MTF1: variants seen among roughly 807,000 people sequenced by gnomAD.
The protein encoded by MTF1 is metal regulatory transcription factor 1.
In MTF1, 22 loss-of-function variants were observed where a neutral mutation model predicts 70.4. The observed-to-expected ratio is 0.31, with a 90% confidence interval of 0.22 to 0.45. The LOEUF is 0.45. MTF1 is among the 20% of genes least tolerant of loss of function. The pLI is 1.00. For synonymous variants in MTF1, 333 were observed against 352.8 expected (o/e 0.94, Z 0.63); for missense variants, 649 against 922.0 (o/e 0.70, Z 3.83).
intron 9 of MTF1, among the ~76,000 whole-genome samples, chr1:37,820,332 T>TA (rs1295053752): frequency 4.6e-5 from 7 of 152,364 alleles, no homozygotes; most frequent in African/African-American, 1.4e-4. Context: ...ACCTGACCTG[T>TA]ATGGCCACCC....
intron 3 of MTF1, 31 bp from the exon 4 acceptor site, chr1:37,838,787 T>C (rs945749575): frequency 7.4e-7 from 1 of 1,354,686 alleles, no homozygotes; most frequent in Non-Finnish European, 1.0e-6. Context: ...ATTCCCTTTG[T>C]CATAAAATTC....
At chr1:37,836,342 G>A (rs1044708791) in intron 4 of MTF1, among the ~76,000 whole-genome samples, 11 of 152,112 alleles carry the variant, frequency 7.2e-5, no homozygotes, top group African/African-American at 2.7e-4. Flanking sequence ...TGTTGACAGT[G>A]ACAGTCCATA....
Position 37,809,935 on chromosome 1 carries a change from A to C in MTF1, c.*5201T>G, listed in dbSNP as rs1640678487. On this transcript the variant is annotated 3_prime_UTR_variant, in exon 11 of 11. Transcript: ENST00000373036. ...CCAATGATTAGTGTATGTCAAAAAA[A>C]AGGGCTCTTGGGGGCTCTTGCCTTT... 6.6e-6 allele frequency: 1 copy of C among 152,594 alleles called. No homozygotes were observed. The highest frequency in any genetic ancestry group is 6.5e-5 in the Admixed American group (1 of 15,278). 9.5% of individuals were successfully genotyped at this position (152,594 alleles called of 1,614,324 possible). A position where few individuals can be genotyped will look rare whatever the true frequency, so the allele number is the denominator to read the frequency against.
chr1:37,825,273 G>C (rs1264657039), intron 7 of MTF1, among the ~76,000 whole-genome samples: 1 of 152,108 alleles, frequency 6.6e-6, no homozygotes, highest in African/African-American at 2.4e-5. Context: ...TCTTTACTCT[G>C]TTGCCCAGGC....
intron 1 of MTF1, among the ~76,000 whole-genome samples, chr1:37,858,934 T>C (rs888151560): frequency 2.0e-5 from 3 of 152,264 alleles, no homozygotes; most frequent in Non-Finnish European, 2.9e-5. Context: ...AGTCTGGCTT[T>C]GCGCTTTATC....
At position 37,857,723 on chromosome 1, in the gene MTF1, A is replaced by C; in HGVS notation, c.-51-14T>G. ...GTAATGACTTGTCTGCAACAGAACA[A>C]AGCCAGAGTTAGAGTCATACCACAA... On this transcript the variant is annotated splice_polypyrimidine_tract_variant and intron_variant, in intron 1 of 10. Coordinates refer to ENST00000373036, the MANE Select transcript of MTF1 (RefSeq NM_005955.3). The C allele has an allele frequency of 2.0e-6, 3 of 1,534,296 alleles. No homozygotes were observed. The Admixed American group carries it at 5.3e-5, about 27-fold the overall frequency.
chr1:37,849,357 C>T lies in MTF1; in HGVS notation c.408+7894G>A, dbSNP rs576124973. Among the ~76,000 whole-genome samples the T allele has an allele frequency of 5.3e-5, 8 of 151,756 alleles. No homozygotes were observed. The East Asian group carries it at 1.6e-3, about 29-fold the overall frequency. ...AGGAGAATCTCTTGAACCCTGGAGGCGGAGGTTGCAGTGAGCCAAGATCGT... is the reference window on the plus strand; with the variant it reads ...AGGAGAATCTCTTGAACCCTGGAGGTGGAGGTTGCAGTGAGCCAAGATCGT... On this transcript the variant is annotated intron_variant, in intron 2 of 10. Coordinates refer to ENST00000373036, the MANE Select transcript of MTF1 (RefSeq NM_005955.3).
intron 7 of MTF1, among the ~76,000 whole-genome samples, chr1:37,827,461 C>T (rs1343852976): frequency 1.3e-5 from 2 of 151,832 alleles, no homozygotes; most frequent in Non-Finnish European, 2.9e-5. Context: ...AGGTTCACGC[C>T]ATTCTCCTGC....
At chr1:37,836,944 GGC>G (rs1491222355) in intron 4 of MTF1, among the ~76,000 whole-genome samples, 2 of 135,772 alleles carry the variant, frequency 1.5e-5, no homozygotes, top group Non-Finnish European at 3.2e-5. Context: ...CGGGAAGGGG[GGC>G]GGCGGGGAAT....
chr1:37,859,075 A>G (rs1641552666), intron 1 of MTF1, among the ~76,000 whole-genome samples: 1 of 152,204 alleles, frequency 6.6e-6, no homozygotes, highest in African/African-American at 2.4e-5. Context: ...ACGCAACCCC[A>G]CAGATGTACA....
At position 37,822,457 on chromosome 1, in the gene MTF1, C is replaced by T; in HGVS notation, c.1431G>A (p.Gln477=). ...GAAACTCTTGATGATTAGCAGCAAA[C>T]TGTGTGCTGTGGGGAACAGGCACTT... is the stretch of plus-strand genomic sequence containing the variant. ...PPEVPVPHST[Q]FAANHQEFLP... The change falls in exon 9 of 11, where the codon CAG becomes CAA. Residue 477 remains glutamine (Q), a synonymous_variant. Coordinates refer to ENST00000373036, the MANE Select transcript of MTF1 (RefSeq NM_005955.3). 6.2e-7 allele frequency: 1 copy of T among 1,614,122 alleles called. No homozygotes were observed.
At chr1:37,843,764 A>C (rs564375765) in intron 2 of MTF1, among the ~76,000 whole-genome samples, 54 of 152,360 alleles carry the variant, frequency 3.5e-4, no homozygotes, top group African/African-American at 1.2e-3. Context: ...AAAAACAAGT[A>C]ACTGGATGGA....
intron 2 of MTF1, among the ~76,000 whole-genome samples, chr1:37,847,851 C>T (rs1007286206): frequency 3.3e-5 from 5 of 151,956 alleles, no homozygotes; most frequent in African/African-American, 1.2e-4. Context: ...AAGAAATTAG[C>T]CAGGTGTGGT....
At chr1:37,826,863 T>C (rs886568180) in intron 7 of MTF1, among the ~76,000 whole-genome samples, 13 of 152,012 alleles carry the variant, frequency 8.6e-5, no homozygotes, top group Non-Finnish European at 1.8e-4. Flanking sequence ...CTTCAAATCC[T>C]AGCTACTCGG....
At chr1:37,856,021 CTAA>C (rs1404333675) in intron 2 of MTF1, among the ~76,000 whole-genome samples, 7 of 152,044 alleles carry the variant, frequency 4.6e-5, no homozygotes, top group African/African-American at 1.7e-4. Flanking sequence ...TTTTATTCTG[CTAA>C]TAATAACCAC....
At chr1:37,842,346 T>G (rs1641267998) in intron 2 of MTF1, among the ~76,000 whole-genome samples, 1 of 152,334 alleles carries the variant, frequency 6.6e-6, no homozygotes, top group African/African-American at 2.4e-5. Context: ...AAAATGGCAG[T>G]TGACACCATT....
At chr1:37,835,027 C>G in intron 6 of MTF1, 52 bp downstream of exon 6, 1 of 1,589,928 alleles carries the variant, frequency 6.3e-7, no homozygotes, top group Non-Finnish European at 8.6e-7. Flanking sequence ...GATACACAAA[C>G]AACTGTTGAA....
intron 2 of MTF1, among the ~76,000 whole-genome samples, chr1:37,848,619 G>A (rs916395302): frequency 6.6e-6 from 1 of 152,154 alleles, no homozygotes; most frequent in African/African-American, 2.4e-5. Flanking sequence ...AAACCCAATT[G>A]TACACAAAAC....
intron 2 of MTF1, 142 bp downstream of exon 2, chr1:37,857,109 C>T: frequency 1.4e-6 from 1 of 729,830 alleles, no homozygotes. Context: ...ACAACAAAAC[C>T]TGAGGCATAT....
Sources: allele counts gnomAD v4.1 joint callset (sites outside exome capture counted in the v4.1 genomes callset), GRCh38; gene constraint gnomAD v4.1.1; transcripts MANE v1.5; gene names NCBI Gene and HGNC (gene_info 2026-07-23, HGNC 2026-07-21).